ANGPT1: variants seen among roughly 807,000 people sequenced by gnomAD.
ANGPT1 encodes angiopoietin-1.
A neutral mutation model predicts 62.2 loss-of-function variants in ANGPT1; 17 were observed. That is an observed-to-expected ratio of 0.27 (90% CI 0.19 to 0.41). ANGPT1 has a LOEUF of 0.41. Ranked by LOEUF, ANGPT1 falls within the 10% of genes least tolerant of loss-of-function variation. ANGPT1 has a pLI of 1.00. For synonymous variants in ANGPT1, 199 were observed against 198.9 expected, an observed-to-expected ratio of 1.00 and a Z score of 0.00; for missense variants, 478 against 594.9, an observed-to-expected ratio of 0.80 and a Z score of 2.04.
At chr8:107,465,188 A>G (rs568462696) in intron 1 of ANGPT1, among the ~76,000 whole-genome samples, 4 of 152,266 alleles carry the variant, frequency 2.6e-5, no homozygotes, top group East Asian at 1.9e-4. Flanking sequence ...AGAAGCATCA[A>G]ATATATTCAG....
intron 1 of ANGPT1, among the ~76,000 whole-genome samples, chr8:107,461,875 A>G (rs75807176): frequency 0.028 from 4,254 of 152,290 alleles, 63 homozygotes; most frequent in Middle Eastern, 0.068. Context: ...TTTTCAAAAC[A>G]TGCCAATAAA....
intron 4 of ANGPT1, among the ~76,000 whole-genome samples, chr8:107,306,951 C>T (rs982193063): frequency 1.3e-5 from 2 of 151,902 alleles, no homozygotes; most frequent in African/African-American, 2.4e-5. Context: ...CATCACCGAA[C>T]AGATGTCAGG....
chr8:107,262,612 A>C (rs1813519847), intron 8 of ANGPT1, among the ~76,000 whole-genome samples: 1 of 152,154 alleles, frequency 6.6e-6, no homozygotes, highest in Non-Finnish European at 1.5e-5. Context: ...TTGGGAAAGG[A>C]AAATATTAGA....
intron 7 of ANGPT1, among the ~76,000 whole-genome samples, chr8:107,264,578 C>A (rs1198298970): frequency 6.6e-6 from 1 of 152,112 alleles, no homozygotes; most frequent in African/African-American, 2.4e-5. Flanking sequence ...TCTGATACTG[C>A]AGGATCCAGA....
intron 1 of ANGPT1, among the ~76,000 whole-genome samples, chr8:107,471,797 T>C (rs1025665252): frequency 6.6e-6 from 1 of 152,104 alleles, no homozygotes; most frequent in Non-Finnish European, 1.5e-5. Context: ...TGATTTATCA[T>C]CTTAAGGTCT....
intron 1 of ANGPT1, among the ~76,000 whole-genome samples, chr8:107,475,275 A>G (rs528564020): frequency 6.6e-6 from 1 of 152,336 alleles, no homozygotes; most frequent in African/African-American, 2.4e-5. Context: ...CACAGAAATA[A>G]TACCACATTT....
intron 3 of ANGPT1, among the ~76,000 whole-genome samples, chr8:107,323,123 C>A (rs944073569): frequency 6.6e-6 from 1 of 152,176 alleles, no homozygotes; most frequent in Admixed American, 6.5e-5. Flanking sequence ...GCCCTTCCTT[C>A]TCCCTGAGCT....
In ANGPT1 at chr8:107,333,988, GGGAGGGAGGGAA is replaced by G. The variant is rs1187880163; in HGVS notation, c.575+2150_575+2161del. Among the ~76,000 whole-genome samples, 483 of 54,172 alleles carry G rather than the reference GGGAGGGAGGGAA, an allele frequency of 8.9e-3. 3 individuals carry two copies. The highest frequency in any genetic ancestry group is 7.6e-3 in the Non-Finnish European group (183 of 24,122). The allele number at this position is 54,172 out of a possible 152,430, so 35.5% of individuals were successfully genotyped here. ...AAGAAAGAAAGGAGGGAGGGAGGGA[GGGAGGGAGGGAA>G]GGAAGGAAGGAAGGAAGGAAGGAAG... On this transcript the variant is annotated intron_variant, in intron 3 of 8. Coordinates refer to ENST00000517746, the MANE Select transcript of ANGPT1 (RefSeq NM_001146.5).
rs1267516952 is a variant in ANGPT1, at chr8:107,303,238, A to C, written c.936+2T>G. On this transcript the variant is annotated splice_donor_variant, in intron 5 of 8. Coordinates refer to ENST00000517746, the MANE Select transcript of ANGPT1 (RefSeq NM_001146.5). LOFTEE classifies it high-confidence loss of function. Reference sequence around the variant, plus strand: ...CTTGTAAACAAACACTTCTGGTTTTACCTTTTTGGGTTCTGGCATATTATT... The same window carrying C: ...CTTGTAAACAAACACTTCTGGTTTTCCCTTTTTGGGTTCTGGCATATTATT... 1 of 1,609,160 alleles carries C rather than the reference A, an allele frequency of 6.2e-7. No homozygotes were observed. Among genetic ancestry groups the C allele is most frequent in the Non-Finnish European group, 8.5e-7 (1 of 1,177,298 alleles).
chr8:107,266,747 CTA>C (rs1271220066), intron 7 of ANGPT1, among the ~76,000 whole-genome samples: 1 of 152,108 alleles, frequency 6.6e-6, no homozygotes, highest in Non-Finnish European at 1.5e-5. Flanking sequence ...TAATGATTTT[CTA>C]TAGTGTCTTT....
At chr8:107,434,415 C>T (rs914561577) in intron 1 of ANGPT1, among the ~76,000 whole-genome samples, 4 of 151,968 alleles carry the variant, frequency 2.6e-5, no homozygotes, top group Admixed American at 1.3e-4. Context: ...AAATACTTCG[C>T]TTGGGGTTGG....
At chr8:107,395,792 T>C (rs1816922829) in intron 1 of ANGPT1, among the ~76,000 whole-genome samples, 1 of 152,174 alleles carries the variant, frequency 6.6e-6, no homozygotes, top group Non-Finnish European at 1.5e-5. Context: ...AAATCATTAG[T>C]TCTCAGGAGC....
At chr8:107,257,009 A>AC (rs1813374018) in intron 8 of ANGPT1, among the ~76,000 whole-genome samples, 1 of 152,078 alleles carries the variant, frequency 6.6e-6, no homozygotes. Flanking sequence ...GGCATCCGCT[A>AC]CCACGCCTGG....
chr8:107,474,211 C>T (rs987475880), intron 1 of ANGPT1, among the ~76,000 whole-genome samples: 5 of 74,726 alleles, frequency 6.7e-5, no homozygotes, highest in African/African-American at 2.7e-4. Context: ...AAACCGAATC[C>T]AGCAACATCA....
chr8:107,362,301 T>C (rs1457450921), intron 1 of ANGPT1, among the ~76,000 whole-genome samples: 1 of 152,188 alleles, frequency 6.6e-6, no homozygotes, highest in Non-Finnish European at 1.5e-5. Flanking sequence ...GATATCATTA[T>C]AATTAGTAGC....
intron 3 of ANGPT1, among the ~76,000 whole-genome samples, chr8:107,332,484 G>C (rs1360103298): frequency 6.6e-6 from 1 of 152,162 alleles, no homozygotes; most frequent in African/African-American, 2.4e-5. Flanking sequence ...TTTCTGCTTT[G>C]TGCTTCTGGC....
Position 107,449,711 on chromosome 8 carries a change from G to A in ANGPT1, c.297+47551C>T, listed in dbSNP as rs7822674. The stretch of plus-strand genomic sequence containing the variant: ...ATGACTTCCTTGCATTAGCACACAC[G>A]TTTTGAGTTTAGGCCATGTTGTAAT... On this transcript the variant is annotated intron_variant, in intron 1 of 8. Transcript: ENST00000517746. Among the ~76,000 whole-genome samples the A allele has an allele frequency of 5.4e-3, 824 of 152,054 alleles. 6 individuals carry two copies. The highest frequency in any genetic ancestry group is 0.019 in the African/African-American group (779 of 41,504).
chr8:107,285,703 T>C (rs959869893), intron 6 of ANGPT1, among the ~76,000 whole-genome samples: 14 of 152,190 alleles, frequency 9.2e-5, no homozygotes, highest in Admixed American at 2.0e-4. Context: ...TTGGAGATGT[T>C]AGTGATAGGA....
rs140419588 is a variant in ANGPT1, at chr8:107,353,610, A to AT, written c.298-6514dup. On this transcript the variant is annotated intron_variant, in intron 1 of 8. Transcript: ENST00000517746. The stretch of plus-strand genomic sequence containing the variant: ...GTCATTGAGCCTCAGCAACCCCTTG[A>AT]TTTTTTTTCTTCAGATGCATCACCT... Among the ~76,000 whole-genome samples the AT allele has an allele frequency of 3.8e-3, 584 of 151,830 alleles. 6 individuals are homozygous for AT. Among genetic ancestry groups the AT allele is most frequent in the African/African-American group, 0.014 (562 of 41,376 alleles).
Sources: allele counts gnomAD v4.1 joint callset (sites outside exome capture counted in the v4.1 genomes callset), GRCh38; gene constraint gnomAD v4.1.1; transcripts MANE v1.5; gene names NCBI Gene and HGNC (gene_info 2026-07-23, HGNC 2026-07-21).